Variants in CACNA2D3 observed in about 807,000 individuals in gnomAD.
The protein encoded by CACNA2D3 is voltage-dependent calcium channel subunit alpha-2/delta-3.
In CACNA2D3, 60 loss-of-function variants were observed where a neutral mutation model predicts 160.6. That is an observed-to-expected ratio of 0.37 (90% CI 0.30 to 0.46). The LOEUF (loss-of-function observed/expected upper bound fraction) is 0.46. Among genes scored for constraint, CACNA2D3 ranks in the 20% least tolerant of loss-of-function variants. The pLI is 1.00. For missense variants in CACNA2D3, 1,205 were observed against 1,365.0 expected, an observed-to-expected ratio of 0.88 and a Z score of 1.85; for synonymous variants, 558 against 492.9, an observed-to-expected ratio of 1.13 and a Z score of -1.75.
At chr3:54,866,075 G>A (rs1009877187) in intron 17 of CACNA2D3, among the ~76,000 whole-genome samples, 6 of 152,178 alleles carry the variant, frequency 3.9e-5, no homozygotes, top group Non-Finnish European at 7.3e-5. Flanking sequence ...GTAGTGAATT[G>A]GGATCAAGAA....
intron 5 of CACNA2D3, among the ~76,000 whole-genome samples, chr3:54,554,021 C>T (rs1044815660): frequency 6.6e-6 from 1 of 152,186 alleles, no homozygotes. Flanking sequence ...ACCTCTCCAG[C>T]CTCATCTAGT....
chr3:54,457,520 T>A (rs1020310416), intron 4 of CACNA2D3, among the ~76,000 whole-genome samples: 39 of 152,068 alleles, frequency 2.6e-4, no homozygotes, highest in African/African-American at 8.9e-4. Context: ...ATGAAAAGAA[T>A]GTGTCTTCTG....
intron 27 of CACNA2D3, among the ~76,000 whole-genome samples, chr3:54,932,981 G>A (rs1167276712): frequency 1.3e-5 from 2 of 152,020 alleles, no homozygotes; most frequent in East Asian, 1.9e-4. Context: ...ATGACCAAAC[G>A]GCACCCAGGT....
chr3:54,156,440 A>G (rs550397811), intron 2 of CACNA2D3, among the ~76,000 whole-genome samples: 1 of 152,344 alleles, frequency 6.6e-6, no homozygotes, highest in East Asian at 1.9e-4. Flanking sequence ...CTTCCTGCCC[A>G]GCTGGAAGGT....
chr3:55,062,245 G>T (rs577925786), intron 35 of CACNA2D3, among the ~76,000 whole-genome samples: 1 of 151,200 alleles, frequency 6.6e-6, no homozygotes, highest in African/African-American at 2.4e-5. Context: ...TCAGCCTCCC[G>T]AGTAGCTGGG....
At chr3:54,543,248 C>T (rs1054261239) in intron 5 of CACNA2D3, among the ~76,000 whole-genome samples, 2 of 152,102 alleles carry the variant, frequency 1.3e-5, no homozygotes, top group Admixed American at 6.5e-5. Context: ...ACAAAAAGGT[C>T]GGAGGGTGGC....
At chr3:54,533,107 A>G (rs907308789) in intron 5 of CACNA2D3, among the ~76,000 whole-genome samples, 1 of 151,980 alleles carries the variant, frequency 6.6e-6, no homozygotes, top group African/African-American at 2.4e-5. Context: ...TACCTGCCTG[A>G]CATCCCATCT....
chr3:54,285,610 C>A (rs927394716), intron 2 of CACNA2D3, among the ~76,000 whole-genome samples: 1 of 152,224 alleles, frequency 6.6e-6, no homozygotes, highest in Non-Finnish European at 1.5e-5. Flanking sequence ...AGCTGGAGAT[C>A]TGAGAATGGA....
rs901250551 is a variant in CACNA2D3, at chr3:54,460,206, G to C, written c.382-43286G>C. ...GTAGTATAGTTTGAAGTCAGGTAGC[G>C]TGATGCCTCCAGCTTTGTTCTTTTG... On this transcript the variant is annotated intron_variant, in intron 4 of 37. Coordinates refer to ENST00000474759, the MANE Select transcript of CACNA2D3 (RefSeq NM_018398.3). 3.3e-5 allele frequency among the ~76,000 whole-genome samples: 5 copies of C among 151,932 alleles called. 1 individual carries two copies. The highest frequency in any genetic ancestry group is 1.2e-4 in the African/African-American group (5 of 41,396).
chr3:54,790,211 A>T (rs572029919), intron 13 of CACNA2D3, among the ~76,000 whole-genome samples: 1 of 152,224 alleles, frequency 6.6e-6, no homozygotes, highest in African/African-American at 2.4e-5. Context: ...TTTTTATCAC[A>T]TATAAAAGGG....
In CACNA2D3 at chr3:54,581,791, T is replaced by G. The variant is rs374816982; in HGVS notation, c.889-12T>G. 1.2e-6 allele frequency: 2 copies of G among 1,611,112 alleles called. No homozygotes were observed. Among genetic ancestry groups the G allele is most frequent in the Non-Finnish European group, 1.7e-6 (2 of 1,177,918 alleles). On this transcript the variant is annotated splice_polypyrimidine_tract_variant and intron_variant, in intron 8 of 37. Coordinates refer to ENST00000474759, the MANE Select transcript of CACNA2D3 (RefSeq NM_018398.3). ...TAATTAAGTGTTCCTTCTTGACTTT[T>G]TTCCTTTGCAGTATAATGAGGAGCT...
At chr3:54,530,537 G>C (rs148425657) in intron 5 of CACNA2D3, among the ~76,000 whole-genome samples, 4 of 152,132 alleles carry the variant, frequency 2.6e-5, no homozygotes, top group Admixed American at 6.6e-5. Context: ...TTGGCATCAC[G>C]TATCTTCAAA....
At chr3:54,440,321 A>G (rs1433612938) in intron 4 of CACNA2D3, among the ~76,000 whole-genome samples, 3 of 151,958 alleles carry the variant, frequency 2.0e-5, no homozygotes, top group Admixed American at 2.0e-4. Context: ...GATGAAACCC[A>G]CCCTCTGGAG....
chr3:54,585,810 G>A (rs1702750340), intron 9 of CACNA2D3, among the ~76,000 whole-genome samples: 1 of 152,148 alleles, frequency 6.6e-6, no homozygotes, highest in Non-Finnish European at 1.5e-5. Flanking sequence ...GATTATGGGA[G>A]CTCAAATTCA....
intron 5 of CACNA2D3, among the ~76,000 whole-genome samples, chr3:54,531,259 A>G (rs1701801802): frequency 6.6e-6 from 1 of 152,232 alleles, no homozygotes; most frequent in Non-Finnish European, 1.5e-5. Context: ...TCACGTCTGC[A>G]CACCTGTTGG....
chr3:55,028,167 C>T (rs1410915921), intron 35 of CACNA2D3, among the ~76,000 whole-genome samples: 2 of 152,184 alleles, frequency 1.3e-5, no homozygotes, highest in East Asian at 1.9e-4. Context: ...CAAGAGGTGA[C>T]TCAGTTGCTC....
intron 34 of CACNA2D3, among the ~76,000 whole-genome samples, chr3:55,014,597 T>C (rs553965303): frequency 6.6e-6 from 1 of 152,206 alleles, no homozygotes; most frequent in Non-Finnish European, 1.5e-5. Flanking sequence ...CCAAGCATGA[T>C]GGCGCGTGCC....
intron 4 of CACNA2D3, among the ~76,000 whole-genome samples, chr3:54,476,457 G>C (rs1018673115): frequency 6.6e-6 from 1 of 151,964 alleles, no homozygotes; most frequent in Non-Finnish European, 1.5e-5. Context: ...GGTAGTTCTA[G>C]TTCTGTTTTT....
At chr3:54,400,826 C>T (rs1326935566) in intron 4 of CACNA2D3, among the ~76,000 whole-genome samples, 1 of 152,042 alleles carries the variant, frequency 6.6e-6, no homozygotes, top group Non-Finnish European at 1.5e-5. Context: ...ATGCAAGGAA[C>T]AAGAAACATG....
Sources: gnomAD v4.1 joint callset for allele counts (sites outside exome capture counted in the v4.1 genomes callset) on GRCh38, gnomAD v4.1.1 for gene constraint, MANE v1.5 for transcripts, NCBI Gene and HGNC (gene_info 2026-07-23, HGNC 2026-07-21) for gene names.